Variants in ARHGAP15 observed in about 807,000 individuals in gnomAD.
ARHGAP15 encodes Rho GTPase activating protein 15, also known as rho GTPase-activating protein 15.
In ARHGAP15, 51 loss-of-function variants were observed where a neutral mutation model predicts 63.7. The ratio of observed to expected loss-of-function variants is 0.80; its 90% CI spans 0.64 to 1.01. The LOEUF is 1.01. Among genes scored for constraint, ARHGAP15 ranks in the 50% least tolerant of loss-of-function variants. The probability of loss-of-function intolerance (pLI) is 0.00; values close to 1 mark genes in which losing one functional copy is unlikely to be tolerated. For synonymous variants in ARHGAP15, 191 were observed against 193.8 expected, an observed-to-expected ratio of 0.99 and a Z score of 0.12; for missense variants, 560 against 564.6, an observed-to-expected ratio of 0.99 and a Z score of 0.08.
chr2:143,667,975 A>G (rs566367290), intron 12 of ARHGAP15, among the ~76,000 whole-genome samples: 3 of 152,082 alleles, frequency 2.0e-5, no homozygotes, highest in South Asian at 2.1e-4. Flanking sequence ...GTGACAGAGC[A>G]AGACCCTGTC....
intron 13 of ARHGAP15, among the ~76,000 whole-genome samples, chr2:143,736,374 C>A (rs1685745274): frequency 6.8e-6 from 1 of 147,972 alleles, no homozygotes; most frequent in African/African-American, 2.5e-5. Flanking sequence ...CCAGCCTGGG[C>A]AACAAGAGCG....
At chr2:143,531,199 A>C (rs768234943) in intron 10 of ARHGAP15, among the ~76,000 whole-genome samples, 3 of 152,148 alleles carry the variant, frequency 2.0e-5, no homozygotes, top group Non-Finnish European at 4.4e-5. Context: ...AGATGTATTT[A>C]TGAATATATG....
Position 143,673,756 on chromosome 2 carries a change from G to GTATATATATATATATATATA in ARHGAP15, c.1139-29662_1139-29661insATATATATATATATATATAT, listed in dbSNP as rs1362315937. 4.3e-3 allele frequency among the ~76,000 whole-genome samples: 132 copies of GTATATATATATATATATATA among 30,958 alleles called. 4 individuals carry two copies. The highest frequency in any genetic ancestry group is 0.015 in the East Asian group (8 of 532). The allele number at this position is 30,958 out of a possible 152,430, so 20.3% of individuals were successfully genotyped here. Reference sequence around the variant, plus strand: ...TGTGTGTGTGTGTGTGTGTGTGTGTGTGTATATATATATATATATATATAT... The same window carrying GTATATATATATATATATATA: ...TGTGTGTGTGTGTGTGTGTGTGTGTGTATATATATATATATATATATGTATATATATATATATATATATAT... On this transcript the variant is annotated intron_variant, in intron 12 of 13. Coordinates refer to ENST00000295095, the MANE Select transcript of ARHGAP15 (RefSeq NM_018460.4).
intron 11 of ARHGAP15, among the ~76,000 whole-genome samples, chr2:143,611,585 A>G (rs371904590): frequency 2.9e-4 from 44 of 152,228 alleles, no homozygotes; most frequent in African/African-American, 9.9e-4. Context: ...AGTTGTTGTT[A>G]TTATTACTCA....
chr2:143,244,575 G>C (rs1693976887), intron 5 of ARHGAP15, among the ~76,000 whole-genome samples: 1 of 152,198 alleles, frequency 6.6e-6, no homozygotes, highest in African/African-American at 2.4e-5. Context: ...TTTGGAAACT[G>C]CCACGGATGT....
chr2:143,676,752 GA>G (rs754675103), intron 12 of ARHGAP15, among the ~76,000 whole-genome samples: 1 of 152,014 alleles, frequency 6.6e-6, no homozygotes, highest in Non-Finnish European at 1.5e-5. Context: ...AAATAATAAT[GA>G]AAAAGTTTGA....
intron 6 of ARHGAP15, among the ~76,000 whole-genome samples, chr2:143,309,081 A>T (rs1263491135): frequency 6.6e-6 from 1 of 151,962 alleles, no homozygotes; most frequent in Non-Finnish European, 1.5e-5. Context: ...GTAGTCTATC[A>T]AGGACTGTTA....
At chr2:143,334,832 C>T (rs1374880763) in intron 6 of ARHGAP15, among the ~76,000 whole-genome samples, 1 of 152,172 alleles carries the variant, frequency 6.6e-6, no homozygotes, top group Non-Finnish European at 1.5e-5. Flanking sequence ...TGGCTCATGC[C>T]TGTGACCCAG....
chr2:143,300,471 A>G (rs1682845671), intron 6 of ARHGAP15, among the ~76,000 whole-genome samples: 1 of 152,014 alleles, frequency 6.6e-6, no homozygotes, highest in South Asian at 2.1e-4. Flanking sequence ...ATCCCTAACT[A>G]ATACAACAGA....
intron 10 of ARHGAP15, among the ~76,000 whole-genome samples, chr2:143,532,398 T>A (rs759417775): frequency 2.4e-4 from 36 of 152,364 alleles, no homozygotes; most frequent in Non-Finnish European, 4.6e-4. Context: ...GTTCATCTTT[T>A]AATCTTTGGT....
At chr2:143,279,808 T>C (rs1438766506) in intron 6 of ARHGAP15, among the ~76,000 whole-genome samples, 1 of 152,182 alleles carries the variant, frequency 6.6e-6, no homozygotes, top group African/African-American at 2.4e-5. Context: ...AGTTAGCACA[T>C]CCCTGTGTGT....
At chr2:143,682,395 C>A (rs2105373479) in intron 12 of ARHGAP15, among the ~76,000 whole-genome samples, 1 of 151,978 alleles carries the variant, frequency 6.6e-6, no homozygotes, top group South Asian at 2.1e-4. Context: ...AAATGAGAAT[C>A]ATAAATAATA....
At chr2:143,495,301 C>T (rs1692767300) in intron 9 of ARHGAP15, among the ~76,000 whole-genome samples, 2 of 152,048 alleles carry the variant, frequency 1.3e-5, no homozygotes, top group South Asian at 4.1e-4. Flanking sequence ...TAAGTATTTG[C>T]TTAAAGCTCG....
chr2:143,332,390 C>T (rs924423954), intron 6 of ARHGAP15, among the ~76,000 whole-genome samples: 2 of 151,906 alleles, frequency 1.3e-5, no homozygotes, highest in East Asian at 3.9e-4. Context: ...TTAAAAAATG[C>T]TTAATAAGAT....
At chr2:143,727,448 C>T (rs1363522838) in intron 13 of ARHGAP15, among the ~76,000 whole-genome samples, 2 of 146,832 alleles carry the variant, frequency 1.4e-5, no homozygotes, top group Admixed American at 1.3e-4. Context: ...AAAATAACCT[C>T]AGGTTCTTTT....
At chr2:143,173,292 T>C (rs1252137632) in intron 2 of ARHGAP15, among the ~76,000 whole-genome samples, 3 of 152,080 alleles carry the variant, frequency 2.0e-5, no homozygotes, top group African/African-American at 7.2e-5. Flanking sequence ...GTTATACAAG[T>C]AGTATTTATA....
intron 6 of ARHGAP15, among the ~76,000 whole-genome samples, chr2:143,298,805 T>G (rs1682764223): frequency 6.6e-6 from 1 of 151,654 alleles, no homozygotes; most frequent in Non-Finnish European, 1.5e-5. Flanking sequence ...ATAATTAAAT[T>G]ATCAAAGTAA....
At chr2:143,522,436 A>G (rs1309792304) in intron 10 of ARHGAP15, among the ~76,000 whole-genome samples, 1 of 152,172 alleles carries the variant, frequency 6.6e-6, no homozygotes, top group African/African-American at 2.4e-5. Flanking sequence ...ATAATTAGCC[A>G]ATGAAAAACT....
At chr2:143,746,479 C>T (rs1216836155) in intron 13 of ARHGAP15, among the ~76,000 whole-genome samples, 1 of 152,230 alleles carries the variant, frequency 6.6e-6, no homozygotes, top group Non-Finnish European at 1.5e-5. Context: ...GTTGTTCTGA[C>T]TGCAGACAGA....
Sources: allele counts gnomAD v4.1 joint callset (sites outside exome capture counted in the v4.1 genomes callset), GRCh38; gene constraint gnomAD v4.1.1; transcripts MANE v1.5; gene names NCBI Gene and HGNC (gene_info 2026-07-23, HGNC 2026-07-21).